ERBB4: variants seen among roughly 807,000 people sequenced by gnomAD.
ERBB4 encodes erb-b2 receptor tyrosine kinase 4, also known as receptor tyrosine-protein kinase erbB-4.
A neutral mutation model predicts 158.0 loss-of-function variants in ERBB4; 42 were observed. The ratio of observed to expected loss-of-function variants is 0.27; its 90% CI spans 0.21 to 0.34. The LOEUF (loss-of-function observed/expected upper bound fraction) is 0.34. ERBB4 is among the 10% of genes least tolerant of loss of function. ERBB4 has a pLI of 1.00. For missense variants in ERBB4, 1,333 were observed against 1,624.1 expected (o/e 0.82, Z 3.08); for synonymous variants, 583 against 558.7 (o/e 1.04, Z -0.61).
At chr2:212,379,331 T>C (rs956317093) in intron 1 of ERBB4, among the ~76,000 whole-genome samples, 2 of 151,740 alleles carry the variant, frequency 1.3e-5, no homozygotes, top group Non-Finnish European at 3.0e-5. Context: ...AATATGCCAG[T>C]AACCACACAG....
chr2:212,486,040 G>A (rs1275149967), intron 1 of ERBB4, among the ~76,000 whole-genome samples: 2 of 151,820 alleles, frequency 1.3e-5, no homozygotes, highest in Non-Finnish European at 2.9e-5. Context: ...GAACATGCCA[G>A]TAATCACACT....
intron 20 of ERBB4, among the ~76,000 whole-genome samples, chr2:211,504,771 C>A (rs1048700284): frequency 6.6e-6 from 1 of 152,060 alleles, no homozygotes; most frequent in South Asian, 2.1e-4. Flanking sequence ...CCAAAGAGAA[C>A]TTCTGGACAT....
At chr2:211,472,583 C>T (rs1168124343) in intron 20 of ERBB4, among the ~76,000 whole-genome samples, 3 of 151,660 alleles carry the variant, frequency 2.0e-5, no homozygotes, top group Non-Finnish European at 4.4e-5. Flanking sequence ...TATCCCACAG[C>T]ATAATATTAA....
intron 2 of ERBB4, among the ~76,000 whole-genome samples, chr2:212,072,161 T>C (rs185052690): frequency 1.3e-5 from 2 of 151,996 alleles, no homozygotes; most frequent in Non-Finnish European, 2.9e-5. Context: ...CAGTGAATGG[T>C]TGAGTACAGA....
At chr2:212,429,247 T>C (rs2091975954) in intron 1 of ERBB4, 1 of 152,144 alleles carries the variant, frequency 6.6e-6, no homozygotes, top group African/African-American at 2.4e-5. Context: ...GGAGAACAAA[T>C]ACTTAGTTTC....
At chr2:211,571,774 C>T (rs1297962412) in intron 19 of ERBB4, among the ~76,000 whole-genome samples, 1 of 152,120 alleles carries the variant, frequency 6.6e-6, no homozygotes, top group South Asian at 2.1e-4. Flanking sequence ...AATAAATGAA[C>T]AAAATCTGTA....
chr2:212,350,061 CT>C (rs1031120437), intron 1 of ERBB4, among the ~76,000 whole-genome samples: 53 of 151,980 alleles, frequency 3.5e-4, no homozygotes, highest in African/African-American at 1.2e-3. Flanking sequence ...AAATTAACCT[CT>C]TTTTTTTCTG....
At chr2:212,127,554 T>G (rs555381907) in intron 1 of ERBB4, among the ~76,000 whole-genome samples, 4 of 152,252 alleles carry the variant, frequency 2.6e-5, no homozygotes, top group African/African-American at 9.6e-5. Flanking sequence ...ATTGCGCCAC[T>G]GCACTCCAGC....
intron 19 of ERBB4, among the ~76,000 whole-genome samples, chr2:211,565,388 T>C (rs1019013534): frequency 2.6e-5 from 4 of 152,022 alleles, no homozygotes; most frequent in South Asian, 2.1e-4. Flanking sequence ...ATATGATACA[T>C]AGGCTAAAAA....
At position 212,308,894 on chromosome 2, in the gene ERBB4, G is replaced by A. The variant is rs1260957409; in HGVS notation, c.83-183991C>T. 1.3e-5 allele frequency among the ~76,000 whole-genome samples: 2 copies of A among 150,852 alleles called. 1 individual carries two copies. The highest frequency in any genetic ancestry group is 3.0e-5 in the Non-Finnish European group (2 of 67,220). On this transcript the variant is annotated intron_variant, in intron 1 of 27. Coordinates refer to ENST00000342788, the MANE Select transcript of ERBB4 (RefSeq NM_005235.3). ...AACTACATTAGAATAGTTAACTAGG[G>A]GAAATATTTCCATAGGATTTGGGTC...
At chr2:212,003,179 A>AGG (rs2076159935) in intron 2 of ERBB4, among the ~76,000 whole-genome samples, 1 of 53,472 alleles carries the variant, frequency 1.9e-5, no homozygotes, top group Non-Finnish European at 5.1e-5. Context: ...GAAAGAAAGA[A>AGG]AGAAAGAAAG....
At chr2:211,509,297 C>T (rs887843894) in intron 20 of ERBB4, among the ~76,000 whole-genome samples, 2 of 152,076 alleles carry the variant, frequency 1.3e-5, no homozygotes, top group Non-Finnish European at 2.9e-5. Context: ...CACATGTATA[C>T]TTACATAACA....
At chr2:211,601,307 T>C (rs1007380694) in intron 19 of ERBB4, among the ~76,000 whole-genome samples, 5 of 151,956 alleles carry the variant, frequency 3.3e-5, no homozygotes, top group African/African-American at 9.7e-5. Flanking sequence ...AGGATCCATT[T>C]AGAAGGTCCA....
chr2:211,893,563 A>G (rs1428971239), intron 3 of ERBB4, among the ~76,000 whole-genome samples: 1 of 142,172 alleles, frequency 7.0e-6, no homozygotes, highest in East Asian at 1.9e-4. Flanking sequence ...GACAAATGGG[A>G]TCTAATTAAA....
At chr2:212,127,675 T>C (rs1237887800) in intron 1 of ERBB4, among the ~76,000 whole-genome samples, 2 of 152,294 alleles carry the variant, frequency 1.3e-5, no homozygotes, top group East Asian at 1.9e-4. Context: ...CCCAAGACAA[T>C]TCTTTTTTCG....
chr2:211,480,106 A>C (rs1410985901), intron 20 of ERBB4, among the ~76,000 whole-genome samples: 1 of 152,096 alleles, frequency 6.6e-6, no homozygotes, highest in Non-Finnish European at 1.5e-5. Context: ...TTAACCCTTT[A>C]TTTCTTTTTT....
intron 12 of ERBB4, among the ~76,000 whole-genome samples, chr2:211,692,382 A>C (rs1216424193): frequency 6.6e-6 from 1 of 152,214 alleles, no homozygotes; most frequent in Non-Finnish European, 1.5e-5. Context: ...ATATCACTAA[A>C]AGAATACTGA....
intron 4 of ERBB4, among the ~76,000 whole-genome samples, chr2:211,765,168 C>A (rs899088624): frequency 6.6e-6 from 1 of 152,024 alleles, no homozygotes; most frequent in Non-Finnish European, 1.5e-5. Flanking sequence ...AGGGGCTAAG[C>A]AAGTGTAGTT....
At chr2:211,813,176 GA>G (rs1383997604) in intron 3 of ERBB4, among the ~76,000 whole-genome samples, 2 of 152,186 alleles carry the variant, frequency 1.3e-5, no homozygotes, top group Non-Finnish European at 2.9e-5. Flanking sequence ...GGCCATCTTG[GA>G]ATGGAAATCA....
Sources: gnomAD v4.1 joint callset for allele counts (sites outside exome capture counted in the v4.1 genomes callset) on GRCh38, gnomAD v4.1.1 for gene constraint, MANE v1.5 for transcripts, NCBI Gene and HGNC (gene_info 2026-07-23, HGNC 2026-07-21) for gene names.